The following CDH18 variants were observed in gnomAD, a reference collection of about 807,000 sequenced individuals.
CDH18 encodes cadherin 18.
Under a neutral mutation model 67.9 loss-of-function variants are expected in CDH18, and 31 were observed. The observed-to-expected ratio is 0.46, with a 90% CI of 0.34 to 0.62. The LOEUF (loss-of-function observed/expected upper bound fraction) is 0.62. CDH18 is among the 20% of genes least tolerant of loss of function. The pLI, the probability that CDH18 is intolerant of heterozygous loss-of-function variation, is 0.01. For missense variants in CDH18, 890 were observed against 975.5 expected, an observed-to-expected ratio of 0.91 and a Z score of 1.17; for synonymous variants, 362 against 347.2, an observed-to-expected ratio of 1.04 and a Z score of -0.48.
chr5:19,483,583 C>T (rs756437212), intron 11 of CDH18, 31 bp from the exon 12 acceptor site: 1 of 1,551,338 alleles, frequency 6.4e-7, no homozygotes, highest in African/African-American at 1.4e-5. Flanking sequence ...ACAAAATACA[C>T]TTAGTCAAGC....
rs766955714 is a variant in CDH18 at position 19,748,112 on chromosome 5, CAA to C, written c.229-878_229-877del. Among the ~76,000 whole-genome samples the C allele has an allele frequency of 1.5e-3, 22 of 14,860 alleles. 2 individuals are homozygous for C. In the East Asian group the frequency reaches 0.027, roughly 18 times the overall value. 9.7% of individuals were successfully genotyped at this position (14,860 alleles called of 152,430 possible). A position where few individuals can be genotyped will look rare whatever the true frequency, so the allele number is the denominator to read the frequency against. On this transcript the variant is annotated intron_variant, in intron 3 of 12. Coordinates refer to ENST00000382275, the MANE Select transcript of CDH18 (RefSeq NM_004934.5). The stretch of plus-strand genomic sequence containing the variant: ...TGGGAGACAGAGCGAGACTCCATCT[CAA>C]AAAAAAAAAAAAAAAAAAAGAGTAC...
intron 1 of CDH18, among the ~76,000 whole-genome samples, chr5:20,473,370 T>G (rs553326120): frequency 9.8e-5 from 15 of 152,300 alleles, no homozygotes; most frequent in African/African-American, 2.6e-4. Flanking sequence ...GTTTAATGTA[T>G]TATTTTGTGA....
intron 1 of CDH18, among the ~76,000 whole-genome samples, chr5:20,435,999 G>C (rs1749138357): frequency 1.3e-5 from 2 of 151,956 alleles, no homozygotes; most frequent in Non-Finnish European, 2.9e-5. Flanking sequence ...GAAGTTAACT[G>C]TTATACATAG....
intron 1 of CDH18, chr5:20,304,056 T>G: frequency 6.2e-7 from 1 of 1,600,496 alleles, no homozygotes; most frequent in Admixed American, 1.7e-5. Context: ...CAGGCATCCT[T>G]TTTCTCCAGT....
chr5:20,390,472 A>T (rs1744746703), intron 1 of CDH18, among the ~76,000 whole-genome samples: 1 of 152,218 alleles, frequency 6.6e-6, no homozygotes, highest in Non-Finnish European at 1.5e-5. Flanking sequence ...GGCGATCATT[A>T]AAAAGTCAGG....
At chr5:19,998,657 C>G (rs1331100159) in intron 2 of CDH18, among the ~76,000 whole-genome samples, 2 of 151,602 alleles carry the variant, frequency 1.3e-5, no homozygotes, top group African/African-American at 2.4e-5. Flanking sequence ...AGGACAGAAC[C>G]CTAAACAGTA....
In CDH18 at chr5:19,507,764, A is replaced by C. The variant is rs531077782; in HGVS notation, c.1513-4655T>G. Among the ~76,000 whole-genome samples the C allele has an allele frequency of 5.9e-5, 9 of 152,200 alleles. No individual in the cohort carries two copies. In the East Asian group the frequency reaches 1.7e-3, roughly 29 times the overall value. On this transcript the variant is annotated intron_variant, in intron 10 of 12. Coordinates refer to ENST00000382275, the MANE Select transcript of CDH18 (RefSeq NM_004934.5). ...ACACTGGGGCCTGTTGTGGGTTGGG[A>C]GGAGGGGCGAGGGATAACATTAGGA...
At chr5:19,505,127 T>C (rs958282997) in intron 10 of CDH18, among the ~76,000 whole-genome samples, 3 of 152,254 alleles carry the variant, frequency 2.0e-5, no homozygotes, top group South Asian at 2.1e-4. Flanking sequence ...ATCGTGTTTT[T>C]TTAAGAGAGA....
chr5:19,752,761 C>T (rs1484533952), intron 3 of CDH18, among the ~76,000 whole-genome samples: 2 of 152,158 alleles, frequency 1.3e-5, no homozygotes, highest in African/African-American at 4.8e-5. Flanking sequence ...AAGTTAAGAA[C>T]ACTCACAGTG....
intron 1 of CDH18, among the ~76,000 whole-genome samples, chr5:20,414,148 A>G (rs980052586): frequency 4.6e-5 from 7 of 152,196 alleles, no homozygotes; most frequent in African/African-American, 1.7e-4. Context: ...TTCTTAATGA[A>G]CTGAAAACAG....
chr5:20,242,332 A>C (rs1010378143), intron 2 of CDH18, among the ~76,000 whole-genome samples: 20 of 151,788 alleles, frequency 1.3e-4, no homozygotes, highest in African/African-American at 4.8e-4. Flanking sequence ...TGAAATATAC[A>C]ATGCATTATT....
At chr5:20,501,538 T>C (rs1754272271) in intron 1 of CDH18, among the ~76,000 whole-genome samples, 1 of 43,844 alleles carries the variant, frequency 2.3e-5, no homozygotes, top group South Asian at 8.9e-4. Context: ...ATATATATTA[T>C]ATACATATTA....
At chr5:19,688,221 G>A (rs975546641) in intron 5 of CDH18, among the ~76,000 whole-genome samples, 1 of 152,138 alleles carries the variant, frequency 6.6e-6, no homozygotes, top group African/African-American at 2.4e-5. Context: ...GAAGGAAGTG[G>A]CCTAGAGGTT....
At chr5:20,066,807 T>C (rs538530195) in intron 2 of CDH18, among the ~76,000 whole-genome samples, 1 of 151,918 alleles carries the variant, frequency 6.6e-6, no homozygotes, top group Non-Finnish European at 1.5e-5. Context: ...ATATTAATAG[T>C]CAAATATGGA....
intron 4 of CDH18, among the ~76,000 whole-genome samples, chr5:19,728,744 G>T (rs1205628901): frequency 6.6e-6 from 1 of 152,152 alleles, no homozygotes; most frequent in Non-Finnish European, 1.5e-5. Flanking sequence ...AATCTCAAGA[G>T]ATTCAATGTT....
intron 1 of CDH18, among the ~76,000 whole-genome samples, chr5:20,525,966 G>C (rs1756028248): frequency 6.6e-6 from 1 of 152,112 alleles, no homozygotes; most frequent in Non-Finnish European, 1.5e-5. Context: ...GTTTGACAAT[G>C]AGAGTAGCAA....
At chr5:20,304,560 A>C (rs1367781219) in intron 1 of CDH18, 12 of 1,611,464 alleles carry the variant, frequency 7.4e-6, no homozygotes, top group Admixed American at 1.7e-5. Context: ...TGGAGTTTCC[A>C]GGGGAGAATG....
chr5:20,232,108 A>G (rs1475756572), intron 2 of CDH18, among the ~76,000 whole-genome samples: 1 of 152,102 alleles, frequency 6.6e-6, no homozygotes, highest in Non-Finnish European at 1.5e-5. Context: ...TTTCACTAAA[A>G]TATTTGAAAG....
intron 3 of CDH18, among the ~76,000 whole-genome samples, chr5:19,748,134 G>GAAAAAAAA (rs1554022366): frequency 1.5e-5 from 1 of 67,134 alleles, no homozygotes; most frequent in Non-Finnish European, 2.6e-5. Flanking sequence ...AAAAAAAAAA[G>GAAAAAAAA]AGTACTTTTT....
Sources: allele counts gnomAD v4.1 joint callset (sites outside exome capture counted in the v4.1 genomes callset), GRCh38; gene constraint gnomAD v4.1.1; transcripts MANE v1.5; gene names NCBI Gene and HGNC (gene_info 2026-07-23, HGNC 2026-07-21).